The following DLGAP2 variants were observed in gnomAD, a reference collection of about 807,000 sequenced individuals.
The protein encoded by DLGAP2 is disks large-associated protein 2.
Under a neutral mutation model 100.3 loss-of-function variants are expected in DLGAP2, and 26 were observed. The observed-to-expected ratio is 0.26, with a 90% CI of 0.19 to 0.36. DLGAP2 has a LOEUF of 0.36. Ranked by LOEUF, DLGAP2 falls within the 10% of genes least tolerant of loss-of-function variation. The probability of loss-of-function intolerance (pLI) is 1.00; values close to 1 mark genes in which losing one functional copy is unlikely to be tolerated. For synonymous variants in DLGAP2, 886 were observed against 630.1 expected (o/e 1.41, Z -6.08); for missense variants, 1,858 against 1,453.2 (o/e 1.28, Z -4.53).
At chr8:1,110,229 ACG>A (rs1804907377) in intron 2 of DLGAP2, among the ~76,000 whole-genome samples, 1 of 94,964 alleles carries the variant, frequency 1.1e-5, no homozygotes, top group Non-Finnish European at 2.1e-5. Flanking sequence ...TGGGTCTGTG[ACG>A]TGTGCTGGAT....
At chr8:767,131 T>C (rs1821234534) in intron 1 of DLGAP2, among the ~76,000 whole-genome samples, 1 of 152,152 alleles carries the variant, frequency 6.6e-6, no homozygotes, top group Non-Finnish European at 1.5e-5. Flanking sequence ...GTTGGTGTCC[T>C]GGTTATGAGC....
At chr8:861,375 A>T (rs578033242) in intron 1 of DLGAP2, among the ~76,000 whole-genome samples, 1 of 152,240 alleles carries the variant, frequency 6.6e-6, no homozygotes, top group Non-Finnish European at 1.5e-5. Context: ...CCCTCCTCAC[A>T]CATACCGGGG....
Position 1,363,779 on chromosome 8 carries a change from G to A in DLGAP2, c.106+104896G>A, listed in dbSNP as rs192278927. Among the ~76,000 whole-genome samples, 15 of 152,294 alleles carry A rather than the reference G, an allele frequency of 9.8e-5. No individual in the cohort carries two copies. The East Asian group carries it at 1.7e-3, about 18-fold the overall frequency. On this transcript the variant is annotated intron_variant, in intron 3 of 14. Coordinates refer to ENST00000637795, the MANE Select transcript of DLGAP2 (RefSeq NM_001346810.2). ...TGCATCCTTGCTGTGTGGGAACCAC[G>A]GGCGACTGAGCCAGGCCTCAGAGGC...
At chr8:1,174,701 C>T (rs66722874) in intron 2 of DLGAP2, among the ~76,000 whole-genome samples, 1 of 135,902 alleles carries the variant, frequency 7.4e-6, no homozygotes, top group South Asian at 2.1e-4. Flanking sequence ...ACCATCACCA[C>T]CACTATCACC....
In DLGAP2 at chr8:1,537,062, TG is replaced by T. The variant is rs1801176814; in HGVS notation, c.173-11562del. ...AGGAAGTCTCCCAAGGCAGCACCAC[TG>T]GTATGTGGTATGTGGTATGTGGTAT... On this transcript the variant is annotated intron_variant, in intron 4 of 14. Transcript: ENST00000637795. Among the ~76,000 whole-genome samples the T allele has an allele frequency of 1.2e-4, 4 of 32,336 alleles. No individual in the cohort carries two copies. The Admixed American group carries it at 1.5e-3, about 12-fold the overall frequency. 21.2% of individuals were successfully genotyped at this position (32,336 alleles called of 152,430 possible).
At chr8:1,310,543 TTCTTC>T (rs1187499057) in intron 3 of DLGAP2, among the ~76,000 whole-genome samples, 1 of 152,202 alleles carries the variant, frequency 6.6e-6, no homozygotes, top group African/African-American at 2.4e-5. Context: ...GAAATACACA[TTCTTC>T]TCAAGTGTAC....
At chr8:1,433,225 T>C (rs1033663452) in intron 3 of DLGAP2, among the ~76,000 whole-genome samples, 1 of 152,154 alleles carries the variant, frequency 6.6e-6, no homozygotes, top group Non-Finnish European at 1.5e-5. Flanking sequence ...TGAAAATAAG[T>C]CACTGAAGAT....
intron 2 of DLGAP2, among the ~76,000 whole-genome samples, chr8:1,141,994 G>A (rs1796529557): frequency 6.6e-6 from 1 of 151,810 alleles, no homozygotes; most frequent in Non-Finnish European, 1.5e-5. Context: ...GTTTAAGAAT[G>A]ACTTGGAGAA....
intron 10 of DLGAP2, among the ~76,000 whole-genome samples, chr8:1,675,191 G>C (rs1022962907): frequency 2.0e-5 from 3 of 152,230 alleles, no homozygotes; most frequent in Admixed American, 6.5e-5. Context: ...GTCTCTGTCC[G>C]TTCCCCTGGA....
chr8:1,312,194 T>C (rs919441565), intron 3 of DLGAP2, among the ~76,000 whole-genome samples: 3 of 152,212 alleles, frequency 2.0e-5, no homozygotes, highest in Non-Finnish European at 2.9e-5. Flanking sequence ...TCATAAAAGT[T>C]ACCTCGACAT....
At chr8:1,118,353 C>T (rs763074664) in intron 2 of DLGAP2, among the ~76,000 whole-genome samples, 16 of 152,192 alleles carry the variant, frequency 1.1e-4, no homozygotes, top group Non-Finnish European at 2.4e-4. Context: ...AACTGCATTA[C>T]ATTGTCTTTG....
chr8:1,327,767 C>T (rs990767748), intron 3 of DLGAP2, among the ~76,000 whole-genome samples: 1 of 152,108 alleles, frequency 6.6e-6, no homozygotes, highest in South Asian at 2.1e-4. Context: ...TGGCTTGAAC[C>T]CAGGAGGGGG....
intron 3 of DLGAP2, among the ~76,000 whole-genome samples, chr8:1,263,905 G>A (rs1799400639): frequency 6.6e-6 from 1 of 152,078 alleles, no homozygotes; most frequent in Admixed American, 6.5e-5. Context: ...GATTATTGTT[G>A]CTTAAGAACT....
intron 2 of DLGAP2, chr8:1,248,477 G>C (rs62489189): frequency 0.49 from 339 of 690 alleles, 157 homozygotes; most frequent in African/African-American, 0.86. Flanking sequence ...CGGTGGCCGG[G>C]AAGACCTTTG....
intron 3 of DLGAP2, among the ~76,000 whole-genome samples, chr8:1,441,080 A>G (rs565243820): frequency 2.0e-4 from 31 of 152,304 alleles, no homozygotes; most frequent in African/African-American, 5.5e-4. Flanking sequence ...GGAAAAGTCT[A>G]TGTTCGAAAC....
At chr8:1,373,220 T>A (rs1428504197) in intron 3 of DLGAP2, among the ~76,000 whole-genome samples, 1 of 151,706 alleles carries the variant, frequency 6.6e-6, no homozygotes, top group Admixed American at 6.6e-5. Flanking sequence ...GCAGCAAGAC[T>A]CTGTGCTGGA....
chr8:968,968 C>G (rs1473956791), intron 2 of DLGAP2, among the ~76,000 whole-genome samples: 1 of 152,182 alleles, frequency 6.6e-6, no homozygotes, highest in Non-Finnish European at 1.5e-5. Flanking sequence ...GCGAACCAAT[C>G]AAGGACATTG....
intron 1 of DLGAP2, among the ~76,000 whole-genome samples, chr8:849,280 C>T (rs1055364165): frequency 1.3e-5 from 2 of 152,156 alleles, no homozygotes; most frequent in African/African-American, 4.8e-5. Context: ...CACACAGAGT[C>T]TGTTCCAGTA....
chr8:1,058,600 A>G (rs1802955410), intron 2 of DLGAP2, among the ~76,000 whole-genome samples: 2 of 152,214 alleles, frequency 1.3e-5, no homozygotes, highest in African/African-American at 2.4e-5. Flanking sequence ...AGCAGGGGGA[A>G]GCCTGGCTCA....
Sources: gnomAD v4.1 joint callset for allele counts (sites outside exome capture counted in the v4.1 genomes callset) on GRCh38, gnomAD v4.1.1 for gene constraint, MANE v1.5 for transcripts, NCBI Gene and HGNC (gene_info 2026-07-23, HGNC 2026-07-21) for gene names.